The following CLSTN2 variants were observed in gnomAD, a reference collection of about 807,000 sequenced individuals.
CLSTN2 encodes calsyntenin-2.
Under a neutral mutation model 101.2 loss-of-function variants are expected in CLSTN2, and 48 were observed. The observed-to-expected ratio is 0.47, with a 90% CI of 0.38 to 0.60. CLSTN2 has a LOEUF of 0.60. CLSTN2 is among the 20% of genes least tolerant of loss of function. The pLI is 0.00. For synonymous variants in CLSTN2, 481 were observed against 463.6 expected (o/e 1.04, Z -0.48); for missense variants, 1,160 against 1,238.2 (o/e 0.94, Z 0.95).
At chr3:140,247,983 G>T (rs1190394144) in intron 2 of CLSTN2, among the ~76,000 whole-genome samples, 3 of 152,166 alleles carry the variant, frequency 2.0e-5, no homozygotes, top group Non-Finnish European at 4.4e-5. Context: ...AGCTCCCAGG[G>T]TTGAGGTCAC....
chr3:140,563,876 T>G (rs74938120), intron 15 of CLSTN2, 85 bp from the exon 16 acceptor site: 98,774 of 1,364,618 alleles, frequency 0.072, 4,008 homozygotes, highest in Non-Finnish European at 0.084. Flanking sequence ...CTTTATCCTA[T>G]GCACGGATGT....
intron 1 of CLSTN2, among the ~76,000 whole-genome samples, chr3:140,048,956 G>A (rs766328347): frequency 3.3e-5 from 5 of 152,154 alleles, no homozygotes; most frequent in African/African-American, 4.8e-5. Context: ...TTGACCAGCG[G>A]CACTGCTCTA....
intron 1 of CLSTN2, among the ~76,000 whole-genome samples, chr3:140,138,973 T>G (rs1434417249): frequency 1.3e-5 from 2 of 152,236 alleles, no homozygotes; most frequent in African/African-American, 4.8e-5. Context: ...AACTCCAGCT[T>G]CGTAATTTAC....
chr3:139,975,322 TG>T (rs1350836322), intron 1 of CLSTN2, among the ~76,000 whole-genome samples: 3 of 152,006 alleles, frequency 2.0e-5, no homozygotes, highest in South Asian at 4.1e-4. Context: ...GGCCCTGGCA[TG>T]GGAAGAGGAG....
chr3:140,226,529 G>C (rs975609291), intron 2 of CLSTN2, among the ~76,000 whole-genome samples: 3 of 152,094 alleles, frequency 2.0e-5, no homozygotes, highest in African/African-American at 7.2e-5. Flanking sequence ...GTGGTATATG[G>C]GTATTCATTA....
intron 1 of CLSTN2, among the ~76,000 whole-genome samples, chr3:140,068,640 A>G (rs940389597): frequency 1.8e-4 from 28 of 152,250 alleles, no homozygotes; most frequent in African/African-American, 6.5e-4. Flanking sequence ...CATCCTGACA[A>G]GATGACCAAT....
intron 2 of CLSTN2, among the ~76,000 whole-genome samples, chr3:140,355,688 T>C (rs1410350590): frequency 6.6e-6 from 1 of 152,052 alleles, no homozygotes; most frequent in Non-Finnish European, 1.5e-5. Flanking sequence ...GGGAAGTGAC[T>C]AAGAAGGCAG....
Position 140,083,113 on chromosome 3 carries a change from A to G in CLSTN2, c.110-92838A>G, listed in dbSNP as rs115189418. The stretch of plus-strand genomic sequence containing the variant: ...GCTGGACACTATATGGCTCATTTTT[A>G]TAAGAACTCATGGCTTCTTGTATTC... On this transcript the variant is annotated intron_variant, in intron 1 of 16. Coordinates refer to ENST00000458420, the MANE Select transcript of CLSTN2 (RefSeq NM_022131.3). Among the ~76,000 whole-genome samples, 53 of 152,318 alleles carry G rather than the reference A, an allele frequency of 3.5e-4. No individual in the cohort carries two copies. The East Asian group carries it at 9.8e-3, about 28-fold the overall frequency.
chr3:140,026,266 G>A (rs938136878), intron 1 of CLSTN2, among the ~76,000 whole-genome samples: 2 of 152,244 alleles, frequency 1.3e-5, no homozygotes, highest in East Asian at 3.9e-4. Flanking sequence ...TTTGTTGGGG[G>A]GAAAGTGCCG....
intron 9 of CLSTN2, among the ~76,000 whole-genome samples, chr3:140,537,792 T>C (rs1410904309): frequency 6.6e-6 from 1 of 152,192 alleles, no homozygotes; most frequent in Non-Finnish European, 1.5e-5. Flanking sequence ...TCATAAACAA[T>C]AAAAATTGTA....
intron 1 of CLSTN2, among the ~76,000 whole-genome samples, chr3:140,066,593 C>T (rs1343545416): frequency 6.6e-6 from 1 of 152,162 alleles, no homozygotes; most frequent in Non-Finnish European, 1.5e-5. Flanking sequence ...AAGGAATAGG[C>T]CCAAACAGGA....
chr3:139,988,150 C>G (rs1031717621), intron 1 of CLSTN2, among the ~76,000 whole-genome samples: 7 of 152,188 alleles, frequency 4.6e-5, no homozygotes, highest in Admixed American at 2.6e-4. Context: ...GCTGGTGCAG[C>G]GCTTGTCCTT....
At chr3:140,068,058 G>C (rs959651212) in intron 1 of CLSTN2, among the ~76,000 whole-genome samples, 17 of 152,204 alleles carry the variant, frequency 1.1e-4, no homozygotes, top group African/African-American at 3.9e-4. Flanking sequence ...GTGGCAGAGA[G>C]TTAAATCCAA....
At chr3:140,194,288 A>C (rs79117632) in intron 2 of CLSTN2, among the ~76,000 whole-genome samples, 2,666 of 152,220 alleles carry the variant, frequency 0.018, 82 homozygotes, top group African/African-American at 0.061. Context: ...GTGTCCTTAC[A>C]TGGTGGAAGG....
intron 2 of CLSTN2, among the ~76,000 whole-genome samples, chr3:140,240,134 T>TTCTCTCTC (rs1370229338): frequency 0.014 from 287 of 20,420 alleles, 109 homozygotes; most frequent in Middle Eastern, 0.077. Context: ...TGCACCTGGT[T>TTCTCTCTC]TCTCTCTCTC....
intron 2 of CLSTN2, among the ~76,000 whole-genome samples, chr3:140,375,275 G>A (rs1020996649): frequency 2.6e-5 from 4 of 152,196 alleles, no homozygotes; most frequent in African/African-American, 9.7e-5. Flanking sequence ...ACATTCAAAG[G>A]GAGTTCAAAG....
chr3:140,156,572 C>T (rs1158211330), intron 1 of CLSTN2, among the ~76,000 whole-genome samples: 1 of 152,196 alleles, frequency 6.6e-6, no homozygotes, highest in Non-Finnish European at 1.5e-5. Flanking sequence ...AGTGAAAGAT[C>T]TTGGCACTAA....
intron 6 of CLSTN2, among the ~76,000 whole-genome samples, chr3:140,458,704 T>C (rs1315607982): frequency 6.6e-6 from 1 of 152,122 alleles, no homozygotes; most frequent in Non-Finnish European, 1.5e-5. Context: ...ATAATAATAA[T>C]GACAATGATA....
chr3:140,117,370 C>T (rs2009262472), intron 1 of CLSTN2, among the ~76,000 whole-genome samples: 1 of 152,160 alleles, frequency 6.6e-6, no homozygotes, highest in Non-Finnish European at 1.5e-5. Flanking sequence ...GTTCTGCATG[C>T]CTGCTCCACC....
Sources: allele counts gnomAD v4.1 joint callset (sites outside exome capture counted in the v4.1 genomes callset), GRCh38; gene constraint gnomAD v4.1.1; transcripts MANE v1.5; gene names NCBI Gene and HGNC (gene_info 2026-07-23, HGNC 2026-07-21).